The following COL4A1 variants were observed in gnomAD, a reference collection of about 807,000 sequenced individuals.
COL4A1 encodes the protein collagen alpha-1(IV) chain.
Under a neutral mutation model 216.6 loss-of-function variants are expected in COL4A1, and 40 were observed. The ratio of observed to expected loss-of-function variants is 0.18; its 90% CI spans 0.14 to 0.24. The LOEUF is 0.24. Among genes scored for constraint, COL4A1 ranks in the 10% least tolerant of loss-of-function variants. COL4A1 has a pLI of 1.00. For missense variants in COL4A1, 1,628 were observed against 2,196.8 expected (o/e 0.74, Z 5.18); for synonymous variants, 839 against 810.7 (o/e 1.03, Z -0.59).
chr13:110,179,101 C>A, intron 30 of COL4A1, 65 bp from the exon 31 acceptor site: 2 of 1,545,788 alleles, frequency 1.3e-6, no homozygotes, highest in East Asian at 4.5e-5. Context: ...CCTAGGAGAC[C>A]CATGCACACG....
rs1259171022 is a variant in COL4A1 at position 110,295,152 on chromosome 13, A to G, written c.84+11792T>C. Among the ~76,000 whole-genome samples the G allele has an allele frequency of 4.6e-5, 7 of 152,070 alleles. No homozygotes were observed. The East Asian group carries it at 1.3e-3, about 29-fold the overall frequency. On this transcript the variant is annotated intron_variant, in intron 1 of 51. Transcript: ENST00000375820. The stretch of plus-strand genomic sequence containing the variant: ...AGCTCAGAAGACTTTATGAAGTTGT[A>G]TGTGAAGATCCCACTTTTAGACTCT...
At chr13:110,205,888 T>TAA (rs1204149991) in intron 15 of COL4A1, among the ~76,000 whole-genome samples, 1 of 151,874 alleles carries the variant, frequency 6.6e-6, no homozygotes, top group Non-Finnish European at 1.5e-5. Context: ...TATATATATA[T>TAA]AATAACGGAT....
At chr13:110,219,676 ATGTG>A (rs1238703214) in intron 2 of COL4A1, among the ~76,000 whole-genome samples, 1 of 82,692 alleles carries the variant, frequency 1.2e-5, no homozygotes, top group African/African-American at 4.5e-5. Flanking sequence ...ATATATATAT[ATGTG>A]TATATATATG....
chr13:110,157,334 G>A (rs1876832825), intron 49 of COL4A1, among the ~76,000 whole-genome samples: 1 of 152,202 alleles, frequency 6.6e-6, no homozygotes, highest in Non-Finnish European at 1.5e-5. Context: ...ACTATCGGAT[G>A]AAAGCTGGAA....
intron 1 of COL4A1, among the ~76,000 whole-genome samples, chr13:110,293,482 T>C (rs1321966272): frequency 3.3e-5 from 5 of 152,234 alleles, no homozygotes; most frequent in Non-Finnish European, 7.3e-5. Context: ...GAAAAAGTTG[T>C]ATTAAAAATT....
At chr13:110,220,004 C>T (rs1024162886) in intron 2 of COL4A1, among the ~76,000 whole-genome samples, 1 of 150,000 alleles carries the variant, frequency 6.7e-6, no homozygotes, top group African/African-American at 2.5e-5. Flanking sequence ...GGGTCTCACT[C>T]TGTCACTGAG....
At chr13:110,173,825 T>G (rs1298368915) in intron 40 of COL4A1, 75 bp downstream of exon 40, 2 of 1,567,076 alleles carry the variant, frequency 1.3e-6, no homozygotes, top group Admixed American at 3.4e-5. Context: ...CTTTATTCAC[T>G]GAACACAGGC....
intron 22 of COL4A1, among the ~76,000 whole-genome samples, chr13:110,193,588 A>G (rs1451012421): frequency 6.6e-6 from 1 of 152,214 alleles, no homozygotes; most frequent in East Asian, 1.9e-4. Flanking sequence ...TACAGAGCAA[A>G]AAGTGCTCGC....
chr13:110,250,233 G>A (rs1033982974), intron 1 of COL4A1, among the ~76,000 whole-genome samples: 2 of 151,062 alleles, frequency 1.3e-5, no homozygotes, highest in East Asian at 3.9e-4. Flanking sequence ...AAAAATGTGA[G>A]AAACAGTGAA....
At chr13:110,300,978 A>T (rs1404113565) in intron 1 of COL4A1, among the ~76,000 whole-genome samples, 1 of 152,252 alleles carries the variant, frequency 6.6e-6, no homozygotes, top group African/African-American at 2.4e-5. Context: ...AAATGTTTTT[A>T]TAGTATGCAG....
chr13:110,231,898 A>G (rs1257520554), intron 2 of COL4A1, among the ~76,000 whole-genome samples: 1 of 152,228 alleles, frequency 6.6e-6, no homozygotes, highest in Non-Finnish European at 1.5e-5. Context: ...CTAACATGCT[A>G]CAGCGGGACG....
intron 1 of COL4A1, among the ~76,000 whole-genome samples, chr13:110,258,776 G>A (rs1361736278): frequency 6.6e-6 from 1 of 152,118 alleles, no homozygotes; most frequent in Non-Finnish European, 1.5e-5. Flanking sequence ...ATGCAAAGAA[G>A]CTGATACACT....
At chr13:110,208,341 G>A (rs960950470) in intron 12 of COL4A1, among the ~76,000 whole-genome samples, 17 of 152,300 alleles carry the variant, frequency 1.1e-4, no homozygotes, top group African/African-American at 3.6e-4. Context: ...AAGAGAGGCC[G>A]GTGGTGCGGG....
rs759491266 is a variant in COL4A1 at position 110,169,608 on chromosome 13, A to T, written c.3876+21T>A. The T allele has an allele frequency of 3.7e-6, 6 of 1,613,660 alleles. No homozygotes were observed. The South Asian group carries it at 5.5e-5, about 15-fold the overall frequency. On this transcript the variant is annotated intron_variant, in intron 43 of 51. Transcript: ENST00000375820. ...AGAAAAGACTCCTTTAAAAATAAAA[A>T]TCTACAAATCAATAACTCACAGGCA...
chr13:110,247,454 T>C (rs1478585587), intron 1 of COL4A1, among the ~76,000 whole-genome samples: 3 of 152,190 alleles, frequency 2.0e-5, no homozygotes, highest in Non-Finnish European at 2.9e-5. Flanking sequence ...TTAAAATAAT[T>C]AATACTGTGA....
intron 2 of COL4A1, among the ~76,000 whole-genome samples, chr13:110,225,848 C>T (rs867691060): frequency 7.9e-5 from 12 of 152,180 alleles, no homozygotes; most frequent in East Asian, 3.9e-4. Context: ...ACCCCTGGGA[C>T]GCTCTGAAAA....
At chr13:110,260,831 C>T (rs751283777) in intron 1 of COL4A1, among the ~76,000 whole-genome samples, 11 of 151,824 alleles carry the variant, frequency 7.2e-5, no homozygotes, top group African/African-American at 2.4e-4. Context: ...AGGCAGATCA[C>T]GAGGTCAGGA....
chr13:110,301,143 C>T (rs1884474405), intron 1 of COL4A1, among the ~76,000 whole-genome samples: 1 of 152,170 alleles, frequency 6.6e-6, no homozygotes, highest in Non-Finnish European at 1.5e-5. Flanking sequence ...GGGGAAACAC[C>T]TTCGTTTGCC....
In COL4A1 at chr13:110,195,086, C is replaced by T; in HGVS notation, c.1318G>A (p.Gly440Ser). 6.2e-7 allele frequency: 1 copy of T among 1,614,184 alleles called. No homozygotes were observed. The highest frequency in any genetic ancestry group is 8.5e-7 in the Non-Finnish European group (1 of 1,180,034). The change falls in exon 22 of 52, where the codon GGT becomes AGT. Residue 440 changes from glycine (G) to serine (S), a missense_variant. By Grantham distance (56) the Gly-to-Ser change is moderately conservative (BLOSUM62 0). Coordinates refer to ENST00000375820, the MANE Select transcript of COL4A1 (RefSeq NM_001845.6). ...GGAATTCCAGGAGGACCCTGGTCAC[C>T]TGGAGGTCCGGGCTGACATTCCACA... Reference protein sequence around the residue: ...GIVECQPGPPGDQGPPGIPGQ... With the variant: ...GIVECQPGPPSDQGPPGIPGQ...
Sources: gnomAD v4.1 joint callset for allele counts (sites outside exome capture counted in the v4.1 genomes callset) on GRCh38, gnomAD v4.1.1 for gene constraint, MANE v1.5 for transcripts, NCBI Gene and HGNC (gene_info 2026-07-23, HGNC 2026-07-21) for gene names.